SNTG2: variants seen among roughly 807,000 people sequenced by gnomAD.
The protein encoded by SNTG2 is gamma-2-syntrophin.
A neutral mutation model predicts 70.9 loss-of-function variants in SNTG2; 74 were observed. The ratio of observed to expected loss-of-function variants is 1.04; its 90% confidence interval spans 0.86 to 1.27. The LOEUF (loss-of-function observed/expected upper bound fraction) is 1.27, where lower values mean the gene tolerates loss of function less well. SNTG2 is among the 50% of genes most tolerant of loss of function. The probability of loss-of-function intolerance (pLI) is 0.00; values close to 1 mark genes in which losing one functional copy is unlikely to be tolerated. For missense variants in SNTG2, 717 were observed against 690.7 expected (o/e 1.04, Z -0.43); for synonymous variants, 278 against 273.8 (o/e 1.02, Z -0.15).
At position 1,272,957 on chromosome 2, in the gene SNTG2, C is replaced by T. The variant is rs1389358371; in HGVS notation, c.1284+5386C>T. Among the ~76,000 whole-genome samples the T allele has an allele frequency of 3.3e-5, 5 of 152,336 alleles. No individual in the cohort carries two copies. The South Asian group carries it at 6.2e-4, about 19-fold the overall frequency. ...CTTTCTCCTTTGCAAGACAGTTTCA[C>T]GAGATCACGTTTATGAAATTTTCCT... On this transcript the variant is annotated intron_variant, in intron 14 of 16. Transcript: ENST00000308624.
intron 8 of SNTG2, among the ~76,000 whole-genome samples, chr2:1,178,393 G>A (rs1321216896): frequency 6.6e-6 from 1 of 152,138 alleles, no homozygotes; most frequent in Non-Finnish European, 1.5e-5. Flanking sequence ...TTTTCAAAGG[G>A]AATGCTTCCA....
intron 1 of SNTG2, among the ~76,000 whole-genome samples, chr2:1,079,166 TC>T (rs1664118742): frequency 6.6e-6 from 1 of 152,222 alleles, no homozygotes; most frequent in Non-Finnish European, 1.5e-5. Flanking sequence ...GCGTCCCCTC[TC>T]CTTGCTTTTA....
intron 6 of SNTG2, among the ~76,000 whole-genome samples, chr2:1,157,699 C>G (rs1466525407): frequency 6.6e-6 from 1 of 152,144 alleles, no homozygotes; most frequent in East Asian, 1.9e-4. Context: ...CTATAGAGAA[C>G]TACAGTGGAG....
intron 6 of SNTG2, among the ~76,000 whole-genome samples, chr2:1,144,584 A>G (rs928458859): frequency 3.3e-5 from 5 of 152,186 alleles, no homozygotes; most frequent in Admixed American, 6.5e-5. Flanking sequence ...ATAGATTCAC[A>G]CTTCTACGTG....
At chr2:1,052,776 G>A (rs4514907) in intron 1 of SNTG2, among the ~76,000 whole-genome samples, 18,954 of 152,150 alleles carry the variant, frequency 0.12, 1,361 homozygotes, top group African/African-American at 0.19. Context: ...AGACACAGGC[G>A]GTGGACCTGA....
At chr2:1,173,070 G>T (rs4597564) in intron 7 of SNTG2, 22 bp from the exon 8 acceptor site, 1 of 1,608,856 alleles carries the variant, frequency 6.2e-7, no homozygotes, top group Non-Finnish European at 8.5e-7. Context: ...AATTGGAAGG[G>T]ACTTCTCTTG....
At chr2:1,283,027 A>G (rs1444304519) in intron 14 of SNTG2, among the ~76,000 whole-genome samples, 1 of 152,142 alleles carries the variant, frequency 6.6e-6, no homozygotes, top group African/African-American at 2.4e-5. Flanking sequence ...AGCTCAGAGG[A>G]TCCCAGCCTC....
intron 12 of SNTG2, among the ~76,000 whole-genome samples, chr2:1,257,947 T>C (rs1320475626): frequency 1.3e-5 from 2 of 152,112 alleles, no homozygotes; most frequent in Non-Finnish European, 2.9e-5. Flanking sequence ...ATAGGGTGTT[T>C]AGTGGGTTTT....
intron 6 of SNTG2, among the ~76,000 whole-genome samples, chr2:1,164,342 G>T (rs1263927184): frequency 8.4e-6 from 1 of 118,998 alleles, no homozygotes; most frequent in Non-Finnish European, 1.7e-5. Flanking sequence ...ATGAAGTGAG[G>T]TAGGAACCTG....
chr2:1,053,714 G>A (rs1396452408), intron 1 of SNTG2, among the ~76,000 whole-genome samples: 1 of 152,124 alleles, frequency 6.6e-6, no homozygotes, highest in Non-Finnish European at 1.5e-5. Flanking sequence ...TCCATGTGGT[G>A]ACTCTGGTTC....
chr2:1,209,193 C>T lies in SNTG2; in HGVS notation c.682C>T (p.Arg228Cys), dbSNP rs1022648371. ...CTTGTCCGTGCCTCTGTCCATGGCT[C>T]GCATCTCAAGGTACAAAGCCGGAAC... ...DTLSVPLSMA[R>C]ISRYKAGTEK... The change falls in exon 9 of 17, where the codon CGC (arginine) becomes TGC (cysteine). Residue 228 changes from arginine to cysteine, a missense_variant. By Grantham distance (180) the Arg-to-Cys change is radical. Coordinates refer to ENST00000308624, the MANE Select transcript of SNTG2 (RefSeq NM_018968.4). The T allele has an allele frequency of 5.6e-6, 9 of 1,613,806 alleles. No homozygotes were observed. Among genetic ancestry groups the T allele is most frequent in the African/African-American group, 2.7e-5 (2 of 74,900 alleles).
intron 4 of SNTG2, among the ~76,000 whole-genome samples, chr2:1,109,485 T>TA (rs1666301130): frequency 6.6e-6 from 1 of 152,092 alleles, no homozygotes; most frequent in African/African-American, 2.4e-5. Context: ...TGGATCTTCA[T>TA]AAAAAACATA....
intron 6 of SNTG2, among the ~76,000 whole-genome samples, chr2:1,162,779 C>CG (rs11437164): frequency 0.057 from 8,639 of 152,086 alleles, 825 homozygotes; most frequent in African/African-American, 0.2. Context: ...GGATCTTGTG[C>CG]GGGGGGAGGA....
intron 8 of SNTG2, among the ~76,000 whole-genome samples, chr2:1,175,935 C>G (rs1206472546): frequency 6.6e-6 from 1 of 152,156 alleles, no homozygotes; most frequent in Non-Finnish European, 1.5e-5. Context: ...CTGCCTGGTT[C>G]TCCTGGTTCT....
chr2:1,222,505 GGC>G (rs1558555761), intron 9 of SNTG2, among the ~76,000 whole-genome samples: 19 of 135,008 alleles, frequency 1.4e-4, no homozygotes, highest in African/African-American at 2.6e-4. Flanking sequence ...AGTGATGGAG[GGC>G]GTCTCCCTGT....
At chr2:1,367,020 T>G (rs745733187) in intron 16 of SNTG2, among the ~76,000 whole-genome samples, 6 of 152,110 alleles carry the variant, frequency 3.9e-5, no homozygotes, top group Non-Finnish European at 7.3e-5. Context: ...GATTACGGGG[T>G]CTGACTTAAT....
intron 1 of SNTG2, among the ~76,000 whole-genome samples, chr2:1,054,618 C>A (rs1299242890): frequency 6.6e-6 from 1 of 152,114 alleles, no homozygotes; most frequent in Non-Finnish European, 1.5e-5. Flanking sequence ...GATTCTGGGA[C>A]CCCCTGGAGG....
intron 8 of SNTG2, among the ~76,000 whole-genome samples, chr2:1,173,773 A>C (rs1360568235): frequency 1.3e-5 from 2 of 152,254 alleles, no homozygotes; most frequent in Admixed American, 1.3e-4. Flanking sequence ...GAGAACCTGC[A>C]GCTCCCTGGG....
intron 6 of SNTG2, among the ~76,000 whole-genome samples, chr2:1,143,501 T>G (rs1479480561): frequency 1.3e-5 from 2 of 151,886 alleles, no homozygotes; most frequent in African/African-American, 4.8e-5. Context: ...TGTAACAGTT[T>G]GAAGATGGGG....
Sources: gnomAD v4.1 joint callset for allele counts (sites outside exome capture counted in the v4.1 genomes callset) on GRCh38, gnomAD v4.1.1 for gene constraint, MANE v1.5 for transcripts, NCBI Gene and HGNC (gene_info 2026-07-23, HGNC 2026-07-21) for gene names.